PCDH15: variants seen among roughly 807,000 people sequenced by gnomAD.
The protein encoded by PCDH15 is protocadherin-15.
PCDH15 carries 129 observed loss-of-function variants against 178.5 expected under a neutral mutation model. The observed-to-expected ratio is 0.72, with a 90% CI of 0.63 to 0.84. PCDH15 has a LOEUF of 0.84. Ranked by LOEUF, PCDH15 falls within the 40% of genes least tolerant of loss-of-function variation. PCDH15 has a pLI of 0.00. For missense variants in PCDH15, 2,230 were observed against 2,099.9 expected, an observed-to-expected ratio of 1.06 and a Z score of -1.21; for synonymous variants, 800 against 732.0, an observed-to-expected ratio of 1.09 and a Z score of -1.50.
chr10:53,941,216 T>C (rs763512001), intron 23 of PCDH15, among the ~76,000 whole-genome samples: 1 of 152,100 alleles, frequency 6.6e-6, no homozygotes, highest in Non-Finnish European at 1.5e-5. Context: ...CATATTGTTG[T>C]TGTACATTTT....
At chr10:55,195,771 T>TTATTATGAC (rs1564882596) in intron 1 of PCDH15, among the ~76,000 whole-genome samples, 1 of 151,894 alleles carries the variant, frequency 6.6e-6, no homozygotes, top group Non-Finnish European at 1.5e-5. Context: ...ATTGTGGAAA[T>TTATTATGAC]ATTCATGAAT....
At chr10:54,689,123 C>G (rs557023909) in intron 1 of PCDH15, among the ~76,000 whole-genome samples, 31 of 152,094 alleles carry the variant, frequency 2.0e-4, no homozygotes, top group Non-Finnish European at 3.8e-4. Context: ...CTTACTACAA[C>G]TCTTTAGCCA....
At chr10:54,225,269 C>T (rs1441911542) in intron 9 of PCDH15, among the ~76,000 whole-genome samples, 1 of 152,108 alleles carries the variant, frequency 6.6e-6, no homozygotes. Context: ...GTTTGAAAAC[C>T]ACCTCTTCAT....
chr10:53,855,899 G>GATGTGTGTATAT (rs1554832729), intron 28 of PCDH15, among the ~76,000 whole-genome samples: 2 of 77,840 alleles, frequency 2.6e-5, no homozygotes, highest in African/African-American at 1.5e-4. Flanking sequence ...AAAAAAAGGT[G>GATGTGTGTATAT]ATATGTATAT....
intron 21 of PCDH15, among the ~76,000 whole-genome samples, chr10:53,971,290 AAAT>A (rs2134441553): frequency 6.6e-6 from 1 of 152,304 alleles, no homozygotes; most frequent in Non-Finnish European, 1.5e-5. Flanking sequence ...ACCTATCTTA[AAAT>A]AATAAGAGTT....
chr10:54,156,634 C>A (rs1368987144), intron 13 of PCDH15, among the ~76,000 whole-genome samples: 2 of 152,152 alleles, frequency 1.3e-5, no homozygotes, highest in Non-Finnish European at 2.9e-5. Context: ...TCATTCCAAC[C>A]CTGGCCCCTC....
intron 8 of PCDH15, among the ~76,000 whole-genome samples, chr10:54,277,376 G>A (rs927334128): frequency 6.6e-6 from 1 of 151,528 alleles, no homozygotes; most frequent in African/African-American, 2.4e-5. Flanking sequence ...CTTCCGCAGT[G>A]ACAGGATATT....
At chr10:55,493,802 G>GCGA (rs1247699365) in intron 2 of PCDH15, among the ~76,000 whole-genome samples, 1 of 151,840 alleles carries the variant, frequency 6.6e-6, no homozygotes, top group African/African-American at 2.4e-5. Flanking sequence ...GTGATTCTGA[G>GCGA]CAGTCACTCA....
intron 3 of PCDH15, among the ~76,000 whole-genome samples, chr10:54,487,424 A>C (rs2137042067): frequency 6.6e-6 from 1 of 152,172 alleles, no homozygotes; most frequent in East Asian, 1.9e-4. Flanking sequence ...GGATACACTA[A>C]AAGCCCTGAC....
At chr10:54,215,934 T>G (rs1422384659) in intron 9 of PCDH15, among the ~76,000 whole-genome samples, 1 of 147,960 alleles carries the variant, frequency 6.8e-6, no homozygotes, top group African/African-American at 2.5e-5. Flanking sequence ...TCCCAGCTAC[T>G]TGGGAGGCTG....
chr10:55,425,863 AGT>A (rs1171299351), intron 2 of PCDH15, among the ~76,000 whole-genome samples: 1 of 152,214 alleles, frequency 6.6e-6, no homozygotes, highest in African/African-American at 2.4e-5. Flanking sequence ...ACACAAAATG[AGT>A]GTATTTTCTT....
chr10:55,352,002 T>C (rs997552172), intron 2 of PCDH15, among the ~76,000 whole-genome samples: 5 of 152,154 alleles, frequency 3.3e-5, no homozygotes, highest in Non-Finnish European at 5.9e-5. Context: ...GTATCAATTA[T>C]GTGCATTCTC....
chr10:55,166,324 T>C (rs891307567), intron 2 of PCDH15, among the ~76,000 whole-genome samples: 1 of 152,148 alleles, frequency 6.6e-6, no homozygotes, highest in African/African-American at 2.4e-5. Flanking sequence ...GTTTTAAATG[T>C]ACTAAAAGAG....
intron 3 of PCDH15, among the ~76,000 whole-genome samples, chr10:54,835,065 T>G (rs1722441421): frequency 6.6e-6 from 1 of 152,190 alleles, no homozygotes; most frequent in South Asian, 2.1e-4. Flanking sequence ...AGTGAAAACC[T>G]ATACTGATGA....
intron 3 of PCDH15, among the ~76,000 whole-genome samples, chr10:54,824,865 C>T (rs1040000537): frequency 4.6e-5 from 7 of 151,586 alleles, no homozygotes; most frequent in Non-Finnish European, 7.4e-5. Flanking sequence ...AAAAAGCCTA[C>T]TTCTTTTATT....
intron 2 of PCDH15, among the ~76,000 whole-genome samples, chr10:55,608,055 A>G (rs550364298): frequency 6.6e-6 from 1 of 152,234 alleles, no homozygotes; most frequent in East Asian, 1.9e-4. Flanking sequence ...TCTAGATCTG[A>G]AAGAAACCTT....
rs1554821194 is a variant in PCDH15, at chr10:53,823,433, GGCTC to G, written c.4368-3207_4368-3204del. 7.4e-7 allele frequency: 1 copy of G among 1,343,718 alleles called. No individual in the cohort carries two copies. The highest frequency in any genetic ancestry group is 1.1e-6 in the Non-Finnish European group (1 of 934,824). 83.2% of individuals were successfully genotyped at this position (1,343,718 alleles called of 1,614,324 possible). On this transcript the variant is annotated intron_variant, in intron 32 of 37. Transcript: ENST00000644397. ...GCTTTCATGAGAAAGATGTTTTTATGGCTCTCATTACTATTAAATACTTAAAAAC... is the reference window on the plus strand; with the variant it reads ...GCTTTCATGAGAAAGATGTTTTTATGTCATTACTATTAAATACTTAAAAAC...
chr10:55,003,115 A>G lies in PCDH15; in HGVS notation c.-79-105615T>C, dbSNP rs573082941. On this transcript the variant is annotated intron_variant, in intron 2 of 5. Transcript: ENST00000458638. ...TTATCATTATTATTCTAAATTTTTT[A>G]TATGCCACAGAAATAACCAAATTTT... 1.5e-3 allele frequency among the ~76,000 whole-genome samples: 230 copies of G among 152,224 alleles called. 1 individual carries two copies. The highest frequency in any genetic ancestry group is 5.2e-3 in the African/African-American group (214 of 41,542).
Position 53,855,904 on chromosome 10 carries a change from GTA to G in PCDH15, c.3806+1269_3806+1270del, listed in dbSNP as rs56290679. ...TAAAAGTTAAAAAAAAAGGTGATAT[GTA>G]TATATATATATATATGTATGTGTGT... On this transcript the variant is annotated intron_variant, in intron 28 of 37. Transcript: ENST00000644397. Among the ~76,000 whole-genome samples the G allele has an allele frequency of 4.8e-4, 53 of 109,568 alleles. 5 individuals carry two copies. The East Asian group carries it at 6.0e-3, about 12-fold the overall frequency. The allele number at this position is 109,568 out of a possible 152,430, so 71.9% of individuals were successfully genotyped here.
Sources: allele counts gnomAD v4.1 joint callset (sites outside exome capture counted in the v4.1 genomes callset), GRCh38; gene constraint gnomAD v4.1.1; transcripts MANE v1.5; gene names NCBI Gene and HGNC (gene_info 2026-07-23, HGNC 2026-07-21).